Variants in COL6A1 observed in about 807,000 individuals in gnomAD.
COL6A1 encodes the protein collagen type VI alpha 1 chain.
A neutral mutation model predicts 145.6 loss-of-function variants in COL6A1; 80 were observed. The observed-to-expected ratio is 0.55, with a 90% CI of 0.46 to 0.66. The LOEUF is 0.66. COL6A1 is among the 30% of genes least tolerant of loss of function. The pLI, the probability that COL6A1 is intolerant of heterozygous loss-of-function variation, is 0.00. For missense variants in COL6A1, 1,364 were observed against 1,473.8 expected, an observed-to-expected ratio of 0.93 and a Z score of 1.22; for synonymous variants, 638 against 622.8, an observed-to-expected ratio of 1.02 and a Z score of -0.36.
rs1162962447 is a variant in COL6A1 at position 46,004,704 on chromosome 21, C to T, written c.*691C>T. The T allele has an allele frequency of 4.4e-6, 2 of 453,704 alleles. No individual in the cohort carries two copies. The highest frequency in any genetic ancestry group is 8.9e-6 in the Non-Finnish European group (2 of 225,366). 28.1% of individuals were successfully genotyped at this position (453,704 alleles called of 1,614,324 possible). A position where few individuals can be genotyped will look rare whatever the true frequency, so the allele number is the denominator to read the frequency against. ...CTGGTGACCGGCCTGGACCTTGGCC[C>T]TACAGCCCTGGAGGCCGCTGCTGAC... On this transcript the variant is annotated 3_prime_UTR_variant, in exon 35 of 35. Coordinates refer to ENST00000361866, the MANE Select transcript of COL6A1 (RefSeq NM_001848.3).
Position 45,989,588 on chromosome 21 carries a change from C to T in COL6A1, c.859-20C>T, listed in dbSNP as rs78884675. 3,302 of 1,611,006 alleles carry T rather than the reference C, an allele frequency of 2.0e-3. 48 individuals are homozygous for T. In the African/African-American group the frequency reaches 0.038, roughly 19 times the overall value. On this transcript the variant is annotated intron_variant, in intron 9 of 34. Transcript: ENST00000361866. ...CCCTGCTCCTCCGGGGGTGTCTCAC[C>T]ATCTCCTCCTGTGTTCCAGGGAAGA...
At position 45,984,412 on chromosome 21, in the gene COL6A1, G is replaced by A. The variant is rs2077725809; in HGVS notation, c.371G>A (p.Gly124Glu). The change falls in exon 3 of 35, where the codon GGG becomes GAG. Residue 124 changes from glycine to glutamate, a missense_variant. Physicochemically the swap from Gly to Glu is moderately conservative, Grantham distance 98. This residue lies in a region of COL6A1 where 414 missense variants were observed against 437.6 expected (regional missense o/e 0.95). Coordinates refer to ENST00000361866, the MANE Select transcript of COL6A1 (RefSeq NM_001848.3). ...KSSVDAVKYF[G>E]KGTYTDCAIK... ...AGCGTGGACGCGGTCAAGTACTTTG[G>A]GAAGGGCACCTACACCGACTGCGCT... is the stretch of plus-strand genomic sequence containing the variant. 1 of 1,612,616 alleles carries A rather than the reference G, an allele frequency of 6.2e-7. No individual in the cohort carries two copies. The highest frequency in any genetic ancestry group is 8.5e-7 in the Non-Finnish European group (1 of 1,179,960).
At chr21:45,986,473 C>T (rs1320144426) in intron 3 of COL6A1, 53 bp from the exon 4 acceptor site, 10 of 1,540,784 alleles carry the variant, frequency 6.5e-6, no homozygotes, top group Non-Finnish European at 8.8e-6. Flanking sequence ...CTTGGGTCTC[C>T]CTCCAGTTCC....
chr21:45,993,707 G>A (rs548602955), intron 19 of COL6A1, among the ~76,000 whole-genome samples: 5 of 152,264 alleles, frequency 3.3e-5, no homozygotes, highest in South Asian at 2.1e-4. Context: ...TGGAGGGGTC[G>A]GGGGGACGTC....
rs200908935 is a variant in COL6A1, at chr21:45,987,550, G to A, written c.759+31G>A. 4.2e-5 allele frequency: 67 copies of A among 1,612,676 alleles called. 1 individual carries two copies. Among genetic ancestry groups the A allele is most frequent in the South Asian group, 7.7e-5 (7 of 91,082 alleles). On this transcript the variant is annotated intron_variant, in intron 7 of 34. Coordinates refer to ENST00000361866, the MANE Select transcript of COL6A1 (RefSeq NM_001848.3). Reference sequence around the variant, plus strand: ...TGTGCCCCCCGACCCCTGACCCCGCGCCCTGCACCCTGGGAACCTGAGTCT... The same window carrying A: ...TGTGCCCCCCGACCCCTGACCCCGCACCCTGCACCCTGGGAACCTGAGTCT...
At position 46,003,864 on chromosome 21, in the gene COL6A1, G is replaced by A; in HGVS notation, c.2938G>A (p.Glu980Lys). Residue 980 changes from glutamate to lysine, a missense_variant, in exon 35 of 35, where the codon GAG becomes AAG. Transcript: ENST00000361866. ...GGTGGTCGTGGGCCGCCAGGTGAATGAGCCCCACATCCGCGTCCTGGTCAC... is the reference window on the plus strand; with the variant it reads ...GGTGGTCGTGGGCCGCCAGGTGAATAAGCCCCACATCCGCGTCCTGGTCAC... ...FVVVVGRQVN[E>K]PHIRVLVTGK... The A allele has an allele frequency of 1.2e-6, 2 of 1,600,716 alleles. No homozygotes were observed. The highest frequency in any genetic ancestry group is 8.5e-7 in the Non-Finnish European group (1 of 1,170,658).
In COL6A1 at chr21:46,001,303, AGCATTG is replaced by A; in HGVS notation, c.1876_1881del (p.Ile626_Gly627del). The stretch of plus-strand genomic sequence containing the variant: ...CCTGTTCGTGCTGGACAGCTCAGAG[AGCATTG>A]GCCTGCAGAACTTCGAGATTGCCAA... On this transcript the variant is annotated inframe_deletion, in exon 30 of 35. Coordinates refer to ENST00000361866, the MANE Select transcript of COL6A1 (RefSeq NM_001848.3). The A allele has an allele frequency of 6.2e-7, 1 of 1,612,540 alleles. No individual in the cohort carries two copies. The highest frequency in any genetic ancestry group is 2.2e-5 in the East Asian group (1 of 44,870).
chr21:46,002,951 G>A (rs2077857242), intron 33 of COL6A1, among the ~76,000 whole-genome samples, 169 bp from the exon 34 acceptor site: 1 of 152,138 alleles, frequency 6.6e-6, no homozygotes, highest in Admixed American at 6.5e-5. Flanking sequence ...CACCCTGTAG[G>A]TGCGCACGGG....
Position 45,994,369 on chromosome 21 carries a change from G to A in COL6A1, c.1398+140G>A. ...TTCCGTAGATCTCGGGGGTGTCCCT[G>A]CGTGGGAGCCGGCTGCAGGGGGTGA... On this transcript the variant is annotated intron_variant, in intron 20 of 34. Coordinates refer to ENST00000361866, the MANE Select transcript of COL6A1 (RefSeq NM_001848.3). This position sits in a 1 kb window ranked among gnomAD's most constrained non-coding sequence, Gnocchi z 6.8. 5.6e-6 allele frequency: 5 copies of A among 894,432 alleles called. No individual in the cohort carries two copies. The South Asian group carries it at 7.6e-5, about 14-fold the overall frequency. 55.4% of individuals were successfully genotyped at this position (894,432 alleles called of 1,614,324 possible). A position where few individuals can be genotyped will look rare whatever the true frequency, so the allele number is the denominator to read the frequency against.
chr21:46,003,337 C>CT, intron 34 of COL6A1, 54 bp from the exon 35 acceptor site: 1 of 1,600,512 alleles, frequency 6.2e-7, no homozygotes, highest in Non-Finnish European at 8.5e-7. Flanking sequence ...GGCCGGCCCA[C>CT]TGCGGCTGCA....
chr21:45,994,053 G>T lies in COL6A1; in HGVS notation c.1336-114G>T. On this transcript the variant is annotated intron_variant, in intron 19 of 34. Transcript: ENST00000361866. This position sits in a 1 kb window ranked among gnomAD's most constrained non-coding sequence, Gnocchi z 6.8. ...AGGAAGGGGCTGTGCGGGGAGGGAAGGCCGGAACAGCCCAGTGACCACCTG... is the reference window on the plus strand; with the variant it reads ...AGGAAGGGGCTGTGCGGGGAGGGAATGCCGGAACAGCCCAGTGACCACCTG... 1 of 1,095,336 alleles carries T rather than the reference G, an allele frequency of 9.1e-7. No individual in the cohort carries two copies. Among genetic ancestry groups the T allele is most frequent in the Non-Finnish European group, 1.4e-6 (1 of 732,600 alleles). The allele number at this position is 1,095,336 out of a possible 1,614,324, so 67.9% of individuals were successfully genotyped here.
intron 34 of COL6A1, 105 bp from the exon 35 acceptor site, chr21:46,003,286 C>T: frequency 1.2e-6 from 2 of 1,603,452 alleles, no homozygotes; most frequent in Non-Finnish European, 1.7e-6. Context: ...TGGCTGAGCA[C>T]CACCGTGCCG....
chr21:46,000,944 C>A, intron 29 of COL6A1, 177 bp downstream of exon 29: 1 of 849,282 alleles, frequency 1.2e-6, no homozygotes, highest in Non-Finnish European at 1.9e-6. Flanking sequence ...GGGTGTTGGG[C>A]TGGGCCCCGC....
intron 17 of COL6A1, 24 bp downstream of exon 17, chr21:45,992,241 T>C: frequency 6.2e-7 from 1 of 1,613,652 alleles, no homozygotes; most frequent in Non-Finnish European, 8.5e-7. Flanking sequence ...CCTGACACCT[T>C]CCTGGGGAAG....
Position 45,987,668 on chromosome 21 carries a change from C to T in COL6A1, c.804+14C>T, listed in dbSNP as rs780080273. 3 of 1,606,038 alleles carry T rather than the reference C, an allele frequency of 1.9e-6. No homozygotes were observed. Among genetic ancestry groups the T allele is most frequent in the East Asian group, 2.2e-5 (1 of 44,806 alleles). ...CCCGGCTTTGAGGTGAGTGGTGACT[C>T]CTGCTCCTCCCATGTGTTGTGGGGC... On this transcript the variant is annotated intron_variant, in intron 8 of 34. Coordinates refer to ENST00000361866, the MANE Select transcript of COL6A1 (RefSeq NM_001848.3).
At chr21:45,999,390 G>A in intron 26 of COL6A1, 172 bp downstream of exon 26, 1 of 779,908 alleles carries the variant, frequency 1.3e-6, no homozygotes, top group African/African-American at 1.7e-5. Flanking sequence ...CCAGGGCCAG[G>A]TGGTGGCCAG....
Position 45,982,773 on chromosome 21 carries a change from A to G in COL6A1, c.227+10A>G. The G allele has an allele frequency of 6.2e-7, 1 of 1,611,212 alleles. No individual in the cohort carries two copies. Among genetic ancestry groups the G allele is most frequent in the Non-Finnish European group, 8.5e-7 (1 of 1,179,806 alleles). On this transcript the variant is annotated intron_variant, in intron 2 of 34. Transcript: ENST00000361866. ...ACAACCTGAGGGACAGGTAGGAGGG[A>G]CGCCCCGTGACCTTCCTCCTGTGCT...
At chr21:45,988,961 A>G (rs1217069514) in intron 8 of COL6A1, 123 bp from the exon 9 acceptor site, 1 of 1,100,994 alleles carries the variant, frequency 9.1e-7, no homozygotes, top group African/African-American at 1.6e-5. Flanking sequence ...GTGATGGGGA[A>G]GGTGCTTTAA....
At chr21:46,001,112 G>A in intron 29 of COL6A1, 141 bp from the exon 30 acceptor site, 1 of 1,213,652 alleles carries the variant, frequency 8.2e-7, no homozygotes, top group Non-Finnish European at 1.1e-6. Flanking sequence ...GAGGGGGTGG[G>A]CTTTTCTGGG....
Sources: allele counts gnomAD v4.1 joint callset (sites outside exome capture counted in the v4.1 genomes callset), GRCh38; gene constraint gnomAD v4.1.1; regional missense constraint gnomAD v4.1.1; non-coding constraint Gnocchi (gnomAD v3.1); transcripts MANE v1.5; gene names NCBI Gene and HGNC (gene_info 2026-07-23, HGNC 2026-07-21).